The following GNPTAB variants were observed in gnomAD, a reference collection of about 807,000 sequenced individuals.
The protein encoded by GNPTAB is N-acetylglucosamine-1-phosphate transferase subunits alpha and beta.
GNPTAB carries 92 observed loss-of-function variants against 136.6 expected under a neutral mutation model. The observed-to-expected ratio is 0.67, with a 90% CI of 0.57 to 0.80. The LOEUF is 0.80. Ranked by LOEUF, GNPTAB falls within the 30% of genes least tolerant of loss-of-function variation. The pLI, the probability that GNPTAB is intolerant of heterozygous loss-of-function variation, is 0.00. For synonymous variants in GNPTAB, 512 were observed against 535.1 expected (o/e 0.96, Z 0.60); for missense variants, 1,343 against 1,501.8 (o/e 0.89, Z 1.75).
chr12:101,773,283 G>T, intron 7 of GNPTAB: 2 of 217,126 alleles, frequency 9.2e-6, no homozygotes, highest in East Asian at 1.4e-4. Context: ...ATAGCTTTCT[G>T]AGTAGCACAT....
intron 3 of GNPTAB, among the ~76,000 whole-genome samples, chr12:101,789,114 A>C (rs1265520614): frequency 6.6e-6 from 1 of 152,186 alleles, no homozygotes; most frequent in Non-Finnish European, 1.5e-5. Context: ...AATCTGTCTT[A>C]CTGTGGAGAT....
At chr12:101,758,777 G>C (rs991659030) in intron 16 of GNPTAB, among the ~76,000 whole-genome samples, 2 of 152,224 alleles carry the variant, frequency 1.3e-5, no homozygotes, top group Admixed American at 1.3e-4. Flanking sequence ...CATGAGGGAG[G>C]AGGTGTCCTA....
intron 1 of GNPTAB, among the ~76,000 whole-genome samples, chr12:101,798,140 A>C (rs1483977801): frequency 1.3e-5 from 2 of 152,104 alleles, no homozygotes; most frequent in Non-Finnish European, 2.9e-5. Flanking sequence ...CCACATTGTC[A>C]AACTCAACGG....
chr12:101,796,789 CT>C, intron 1 of GNPTAB, 27 bp from the exon 2 acceptor site: 2 of 1,428,222 alleles, frequency 1.4e-6, no homozygotes, highest in Non-Finnish European at 2.0e-6. Flanking sequence ...GAAACGTTTT[CT>C]TCGCATCAAA....
At chr12:101,790,514 A>G (rs1387514785) in intron 2 of GNPTAB, among the ~76,000 whole-genome samples, 1 of 152,168 alleles carries the variant, frequency 6.6e-6, no homozygotes, top group Admixed American at 6.6e-5. Flanking sequence ...GCCTATAACC[A>G]CAGCACTTTG....
intron 13 of GNPTAB, among the ~76,000 whole-genome samples, chr12:101,763,535 T>C (rs1204746016): frequency 1.3e-5 from 2 of 152,162 alleles, no homozygotes; most frequent in African/African-American, 4.8e-5. Flanking sequence ...CTAGTACTTC[T>C]AGGCAGAGCT....
At chr12:101,792,415 C>G (rs1476774046) in intron 2 of GNPTAB, among the ~76,000 whole-genome samples, 1 of 152,188 alleles carries the variant, frequency 6.6e-6, no homozygotes, top group Non-Finnish European at 1.5e-5. Flanking sequence ...TATGTGATAG[C>G]TGAGTACTTA....
rs200559243 is a variant in GNPTAB at position 101,764,558 on chromosome 12, T to C, written c.2359A>G (p.Arg787Gly). Residue 787 changes from arginine to glycine, a missense_variant, in exon 13 of 21, where the codon AGG becomes GGG. Transcript: ENST00000299314. ...ACACTCACTGCAGGAAAAGTCAACCTCTGCAATCTTTCAGACACTCCTAAG... is the reference window on the plus strand; with the variant it reads ...ACACTCACTGCAGGAAAAGTCAACCCCTGCAATCTTTCAGACACTCCTAAG... ...NSLGVSERLQ[R>G]LTFPAVSVKV... 1.2e-6 allele frequency: 2 copies of C among 1,613,412 alleles called. No individual in the cohort carries two copies. Among genetic ancestry groups the C allele is most frequent in the Non-Finnish European group, 1.7e-6 (2 of 1,179,826 alleles).
At chr12:101,787,620 AAGGCACTTCTG>A (rs1868730283) in intron 4 of GNPTAB, among the ~76,000 whole-genome samples, 1 of 152,188 alleles carries the variant, frequency 6.6e-6, no homozygotes, top group South Asian at 2.1e-4. Flanking sequence ...GATAGCTTAG[AAGGCACTTCTG>A]AGGCCGGATG....
At position 101,800,791 on chromosome 12, in the gene GNPTAB, A is replaced by G. The variant is rs79093320; in HGVS notation, c.118-4029T>C. ...AGACTCCATCTCAAAATAAAAAGAA[A>G]ACAAAAAACAAATAGAAGACAGCAG... On this transcript the variant is annotated intron_variant, in intron 1 of 20. Transcript: ENST00000299314. 5.9e-5 allele frequency among the ~76,000 whole-genome samples: 9 copies of G among 151,956 alleles called. No homozygotes were observed. In the East Asian group the frequency reaches 1.7e-3, roughly 29 times the overall value.
intron 5 of GNPTAB, among the ~76,000 whole-genome samples, chr12:101,781,835 TATG>T (rs1868365545): frequency 1.3e-5 from 2 of 152,232 alleles, no homozygotes; most frequent in South Asian, 4.1e-4. Context: ...TTTCCATTGA[TATG>T]ATGAATTCTA....
At position 101,766,229 on chromosome 12, in the gene GNPTAB, G is replaced by A; in HGVS notation, c.1474C>T (p.Pro492Ser). The A allele has an allele frequency of 6.2e-7, 1 of 1,614,064 alleles. No individual in the cohort carries two copies. Among genetic ancestry groups the A allele is most frequent in the Non-Finnish European group, 8.5e-7 (1 of 1,179,962 alleles). The change falls in exon 12 of 21, where the codon CCC becomes TCC. Residue 492 changes from proline to serine, a missense_variant. Physicochemically the swap from Pro to Ser is moderately conservative, Grantham distance 74. Transcript: ENST00000299314. The part of the protein sequence containing the change: ...GGTGSIGVGQ[P>S]WQFGGGINSV... Reference sequence around the variant, plus strand: ...TTTATTCCTCCACCAAACTGCCAGGGCTGTCCAACTCCAATACTCCCAGTA... The same window carrying A: ...TTTATTCCTCCACCAAACTGCCAGGACTGTCCAACTCCAATACTCCCAGTA...
At chr12:101,784,907 GAC>G (rs976350948) in intron 5 of GNPTAB, among the ~76,000 whole-genome samples, 6 of 152,140 alleles carry the variant, frequency 3.9e-5, no homozygotes, top group African/African-American at 1.2e-4. Flanking sequence ...GGAGGAATGA[GAC>G]AGACAAGAGG....
intron 18 of GNPTAB, chr12:101,756,200 A>G (rs1471543759): frequency 1.9e-5 from 3 of 158,352 alleles, no homozygotes; most frequent in Non-Finnish European, 4.2e-5. Flanking sequence ...TTACTGGATT[A>G]CTAAAGACAC....
chr12:101,799,376 T>C (rs1303216888), intron 1 of GNPTAB, among the ~76,000 whole-genome samples: 5 of 152,190 alleles, frequency 3.3e-5, no homozygotes, highest in Non-Finnish European at 5.9e-5. Context: ...AGAAGATCAG[T>C]TCCCAAAGAA....
At chr12:101,796,213 C>T in intron 2 of GNPTAB, 1 of 702,324 alleles carries the variant, frequency 1.4e-6, no homozygotes, top group Non-Finnish European at 2.6e-6. Flanking sequence ...GTAGTAGCCA[C>T]CTGGTTTCCT....
At chr12:101,825,010 G>A (rs1871014490) in intron 1 of GNPTAB, among the ~76,000 whole-genome samples, 2 of 152,130 alleles carry the variant, frequency 1.3e-5, no homozygotes, top group South Asian at 4.1e-4. Flanking sequence ...ACTTGTCCAT[G>A]AAGCCTCCCT....
intron 12 of GNPTAB, 191 bp from the exon 13 acceptor site, chr12:101,765,495 T>G: frequency 1.7e-6 from 1 of 590,570 alleles, no homozygotes; most frequent in East Asian, 2.9e-5. Context: ...GTATATGTGC[T>G]GCTGAAGTAG....
chr12:101,770,305 A>C lies in GNPTAB; in HGVS notation c.1113+101T>G. On this transcript the variant is annotated intron_variant, in intron 9 of 20. Transcript: ENST00000299314. ...AAGAGCTAGAGAAAGGAAGAAATGG[A>C]GGTAGAAGGGTAAAGGGAATGAAAT... The C allele has an allele frequency of 5.8e-6, 8 of 1,378,230 alleles. No individual in the cohort carries two copies. In the South Asian group the frequency reaches 9.3e-5, roughly 16 times the overall value. The allele number at this position is 1,378,230 out of a possible 1,614,324, so 85.4% of individuals were successfully genotyped here.
Sources: allele counts gnomAD v4.1 joint callset (sites outside exome capture counted in the v4.1 genomes callset), GRCh38; gene constraint gnomAD v4.1.1; transcripts MANE v1.5; gene names NCBI Gene and HGNC (gene_info 2026-07-23, HGNC 2026-07-21).